Variants in SYT1 observed in about 807,000 individuals in gnomAD.
SYT1 encodes synaptotagmin-1.
SYT1 carries 8 observed loss-of-function variants against 44.8 expected under a neutral mutation model. The observed-to-expected ratio is 0.18, with a 90% CI of 0.10 to 0.32. SYT1 has a LOEUF of 0.32. Ranked by LOEUF, SYT1 falls within the 10% of genes least tolerant of loss-of-function variation. SYT1 has a pLI of 1.00. For synonymous variants in SYT1, 154 were observed against 188.8 expected (o/e 0.82, Z 1.51); for missense variants, 286 against 509.3 (o/e 0.56, Z 4.22).
At chr12:78,973,185 C>G (rs1455202483) in intron 1 of SYT1, among the ~76,000 whole-genome samples, 1 of 152,120 alleles carries the variant, frequency 6.6e-6, no homozygotes, top group Non-Finnish European at 1.5e-5. Context: ...GTTTTGAAGT[C>G]TATGTACATT....
chr12:79,251,834 G>A (rs1467622927), intron 4 of SYT1, among the ~76,000 whole-genome samples: 1 of 152,056 alleles, frequency 6.6e-6, no homozygotes, highest in East Asian at 1.9e-4. Context: ...TCCATGCTTT[G>A]GAAAAACTGA....
chr12:79,371,894 C>T (rs538487431), intron 9 of SYT1, among the ~76,000 whole-genome samples: 1 of 152,320 alleles, frequency 6.6e-6, no homozygotes, highest in African/African-American at 2.4e-5. Context: ...TTTGCTCCTC[C>T]AGGAAACTTC....
At chr12:79,069,445 T>C (rs1027699537) in intron 3 of SYT1, among the ~76,000 whole-genome samples, 12 of 152,098 alleles carry the variant, frequency 7.9e-5, no homozygotes, top group African/African-American at 2.9e-4. Flanking sequence ...TCAGAACATA[T>C]GTTCTTTTTA....
At chr12:79,175,097 A>C (rs1207135634) in intron 3 of SYT1, among the ~76,000 whole-genome samples, 1 of 151,762 alleles carries the variant, frequency 6.6e-6, no homozygotes, top group African/African-American at 2.4e-5. Flanking sequence ...CTTGTTTTCT[A>C]TATGTGTTAT....
intron 2 of SYT1, among the ~76,000 whole-genome samples, chr12:79,014,146 A>G (rs1871634575): frequency 6.8e-6 from 1 of 147,742 alleles, no homozygotes; most frequent in East Asian, 1.9e-4. Context: ...AAAGAAAAAA[A>G]AAAAAAAGAA....
intron 3 of SYT1, among the ~76,000 whole-genome samples, chr12:79,160,815 T>C (rs1399832477): frequency 6.6e-6 from 1 of 151,942 alleles, no homozygotes; most frequent in African/African-American, 2.4e-5. Context: ...AGAGAAAAAA[T>C]ATAAAGAAAT....
intron 3 of SYT1, among the ~76,000 whole-genome samples, chr12:79,148,977 G>T (rs1440332841): frequency 3.9e-5 from 6 of 152,026 alleles, no homozygotes; most frequent in African/African-American, 1.4e-4. Context: ...ATTATTTTAA[G>T]TTATTATCTT....
chr12:79,451,920 G>A lies in SYT1; in HGVS notation c.*2796G>A, dbSNP rs192749760. The A allele has an allele frequency of 6.6e-6, 1 of 152,276 alleles. No homozygotes were observed. The highest frequency in any genetic ancestry group is 1.9e-4 in the East Asian group (1 of 5,192). The allele number at this position is 152,276 out of a possible 1,614,324, so 9.4% of individuals were successfully genotyped here. A position where few individuals can be genotyped will look rare whatever the true frequency, so the allele number is the denominator to read the frequency against. On this transcript the variant is annotated 3_prime_UTR_variant, in exon 11 of 11. Transcript: ENST00000261205. ...TTTAAATTTTGTTTCACTTTGTGTA[G>A]TGAATTCCACAGTAGTTTTCTGATT...
intron 4 of SYT1, among the ~76,000 whole-genome samples, chr12:79,270,544 G>GA (rs1878367967): frequency 6.6e-6 from 1 of 152,148 alleles, no homozygotes; most frequent in Non-Finnish European, 1.5e-5. Flanking sequence ...CTCATCCTGT[G>GA]AAAAAGATAT....
intron 9 of SYT1, among the ~76,000 whole-genome samples, chr12:79,429,614 C>T (rs1275165962): frequency 2.0e-5 from 3 of 151,812 alleles, no homozygotes; most frequent in African/African-American, 7.3e-5. Context: ...CTGCAAGCTC[C>T]GCCTCCCGGG....
chr12:78,973,825 C>A (rs1281776945), intron 1 of SYT1, among the ~76,000 whole-genome samples: 1 of 147,450 alleles, frequency 6.8e-6, no homozygotes, highest in African/African-American at 2.5e-5. Context: ...TGTTCTAGGT[C>A]CTAGACATGT....
At chr12:78,915,950 C>T (rs927916859) in intron 1 of SYT1, among the ~76,000 whole-genome samples, 4 of 151,930 alleles carry the variant, frequency 2.6e-5, no homozygotes, top group Non-Finnish European at 5.9e-5. Flanking sequence ...TTTGTAAATG[C>T]TAACTTAAAA....
intron 8 of SYT1, among the ~76,000 whole-genome samples, chr12:79,343,929 G>A (rs1444593330): frequency 6.6e-6 from 1 of 152,136 alleles, no homozygotes; most frequent in Non-Finnish European, 1.5e-5. Flanking sequence ...TACTGGTTTC[G>A]ACTACATGTG....
intron 9 of SYT1, among the ~76,000 whole-genome samples, chr12:79,374,120 C>T (rs951028898): frequency 2.0e-5 from 3 of 152,158 alleles, no homozygotes; most frequent in African/African-American, 7.2e-5. Flanking sequence ...TTGAGTACTG[C>T]GTGTGAATCA....
At chr12:79,272,817 C>T (rs1299499805) in intron 4 of SYT1, among the ~76,000 whole-genome samples, 1 of 152,070 alleles carries the variant, frequency 6.6e-6, no homozygotes, top group Non-Finnish European at 1.5e-5. Context: ...GCAGAACATG[C>T]TGGTAGGGAA....
intron 3 of SYT1, among the ~76,000 whole-genome samples, chr12:79,213,943 T>C (rs1874624590): frequency 6.6e-6 from 1 of 152,072 alleles, no homozygotes; most frequent in Non-Finnish European, 1.5e-5. Context: ...AAACAAAAAA[T>C]GAAGTCATCA....
intron 1 of SYT1, among the ~76,000 whole-genome samples, chr12:78,906,022 A>T (rs959995735): frequency 1.3e-5 from 2 of 152,074 alleles, no homozygotes; most frequent in African/African-American, 4.8e-5. Flanking sequence ...TATTTCAAGG[A>T]ATCTGAAGAA....
intron 3 of SYT1, among the ~76,000 whole-genome samples, chr12:79,201,206 T>A (rs1161349277): frequency 6.6e-6 from 1 of 152,146 alleles, no homozygotes. Context: ...TGTAAATAGT[T>A]GACTACCTTG....
At chr12:78,982,908 C>T (rs1869372112) in intron 2 of SYT1, among the ~76,000 whole-genome samples, 2 of 152,138 alleles carry the variant, frequency 1.3e-5, no homozygotes, top group South Asian at 4.1e-4. Flanking sequence ...TTTTATTAAA[C>T]ATCTACAATG....
Sources: gnomAD v4.1 joint callset for allele counts (sites outside exome capture counted in the v4.1 genomes callset) on GRCh38, gnomAD v4.1.1 for gene constraint, MANE v1.5 for transcripts, NCBI Gene and HGNC (gene_info 2026-07-23, HGNC 2026-07-21) for gene names.